Variants in PLPPR5 observed in about 807,000 individuals in gnomAD.
PLPPR5 encodes phospholipid phosphatase-related protein type 5.
Under a neutral mutation model 33.9 loss-of-function variants are expected in PLPPR5, and 16 were observed. The ratio of observed to expected loss-of-function variants is 0.47; its 90% CI spans 0.32 to 0.72. The LOEUF (loss-of-function observed/expected upper bound fraction) is 0.72. Among genes scored for constraint, PLPPR5 ranks in the 30% least tolerant of loss-of-function variants. The pLI, the probability that PLPPR5 is intolerant of heterozygous loss-of-function variation, is 0.03. For missense variants in PLPPR5, 301 were observed against 406.7 expected, an observed-to-expected ratio of 0.74 and a Z score of 2.23; for synonymous variants, 163 against 150.3, an observed-to-expected ratio of 1.08 and a Z score of -0.62.
chr1:98,927,863 A>G (rs112364743), intron 3 of PLPPR5, among the ~76,000 whole-genome samples: 2,745 of 152,084 alleles, frequency 0.018, 83 homozygotes, highest in African/African-American at 0.062. Context: ...ACCCTTTATA[A>G]TTTGTGTTTT....
intron 1 of PLPPR5, among the ~76,000 whole-genome samples, chr1:98,960,278 A>G (rs993980640): frequency 6.6e-6 from 1 of 151,996 alleles, no homozygotes; most frequent in African/African-American, 2.4e-5. Flanking sequence ...CTCTTGGCTC[A>G]CTGCAACCTC....
At chr1:98,921,538 T>C (rs1382393991) in intron 4 of PLPPR5, among the ~76,000 whole-genome samples, 1 of 152,202 alleles carries the variant, frequency 6.6e-6, no homozygotes, top group African/African-American at 2.4e-5. Flanking sequence ...ATAAAGTTTG[T>C]TATAAATCCT....
At chr1:98,959,697 C>T (rs192541091) in intron 1 of PLPPR5, among the ~76,000 whole-genome samples, 14 of 152,222 alleles carry the variant, frequency 9.2e-5, no homozygotes, top group Admixed American at 3.9e-4. Flanking sequence ...TTTGTCAGCT[C>T]GGTCCAAGGA....
chr1:98,956,532 A>G (rs1285994008), intron 2 of PLPPR5, 77 bp downstream of exon 2: 3 of 1,360,202 alleles, frequency 2.2e-6, no homozygotes, highest in Admixed American at 3.4e-5. Flanking sequence ...AACAGTTAAC[A>G]TGTGGGTTAT....
chr1:98,895,804 C>G (rs975966465), intron 5 of PLPPR5, among the ~76,000 whole-genome samples: 6 of 151,852 alleles, frequency 4.0e-5, no homozygotes, highest in African/African-American at 1.2e-4. Flanking sequence ...TGGGGCTCAT[C>G]ATTTTAAGGT....
At chr1:98,965,411 T>C (rs1356677408) in intron 1 of PLPPR5, among the ~76,000 whole-genome samples, 1 of 152,220 alleles carries the variant, frequency 6.6e-6, no homozygotes, top group Non-Finnish European at 1.5e-5. Context: ...ATCTACACAC[T>C]GTCTGCTCCT....
At chr1:98,979,066 CATTT>C (rs1651967143) in intron 1 of PLPPR5, among the ~76,000 whole-genome samples, 1 of 152,012 alleles carries the variant, frequency 6.6e-6, no homozygotes, top group Non-Finnish European at 1.5e-5. Flanking sequence ...ACCTGATACT[CATTT>C]ATACGTAAAA....
intron 1 of PLPPR5, among the ~76,000 whole-genome samples, chr1:98,975,038 G>A (rs950574580): frequency 7.9e-5 from 12 of 151,972 alleles, no homozygotes; most frequent in Admixed American, 4.6e-4. Flanking sequence ...ACCCACCTAC[G>A]AGGACATGTC....
chr1:98,970,011 T>C (rs1052292567), intron 1 of PLPPR5, among the ~76,000 whole-genome samples: 1 of 152,064 alleles, frequency 6.6e-6, no homozygotes, highest in Non-Finnish European at 1.5e-5. Flanking sequence ...ATCATTCCCT[T>C]GAGGCCATCT....
At chr1:98,935,047 C>T (rs1650125880) in intron 3 of PLPPR5, among the ~76,000 whole-genome samples, 3 of 152,080 alleles carry the variant, frequency 2.0e-5, no homozygotes, top group African/African-American at 7.2e-5. Flanking sequence ...CTTCTGGAGC[C>T]TCTATGGAGT....
intron 1 of PLPPR5, among the ~76,000 whole-genome samples, chr1:98,996,098 A>T (rs1391686273): frequency 1.3e-5 from 2 of 152,138 alleles, no homozygotes; most frequent in African/African-American, 4.8e-5. Context: ...CAACTGACAG[A>T]GTCCAAGAGA....
chr1:98,940,060 T>C (rs971842219), intron 3 of PLPPR5, among the ~76,000 whole-genome samples: 7 of 151,850 alleles, frequency 4.6e-5, no homozygotes, highest in African/African-American at 1.4e-4. Flanking sequence ...TGTAGTCTAA[T>C]ATGGACTGGG....
At chr1:98,930,749 AG>A (rs1649932234) in intron 3 of PLPPR5, among the ~76,000 whole-genome samples, 1 of 152,174 alleles carries the variant, frequency 6.6e-6, no homozygotes. Context: ...AGTAAAGGGC[AG>A]GGGAGAAATT....
At chr1:98,958,579 G>A (rs1045356979) in intron 1 of PLPPR5, among the ~76,000 whole-genome samples, 39 of 152,186 alleles carry the variant, frequency 2.6e-4, no homozygotes, top group Admixed American at 2.2e-3. Context: ...GAAGTAGAGC[G>A]GATGTGTGAT....
chr1:98,987,500 C>T (rs1356464815), intron 1 of PLPPR5, among the ~76,000 whole-genome samples: 1 of 151,822 alleles, frequency 6.6e-6, no homozygotes, highest in African/African-American at 2.4e-5. Flanking sequence ...ATAGTGAACT[C>T]AAATCAGATC....
chr1:98,932,563 C>T (rs1650017814), intron 3 of PLPPR5, among the ~76,000 whole-genome samples: 1 of 152,152 alleles, frequency 6.6e-6, no homozygotes, highest in South Asian at 2.1e-4. Context: ...ACCTTTCAGC[C>T]TTATGCATTA....
chr1:98,949,277 T>A (rs149047947), intron 3 of PLPPR5, among the ~76,000 whole-genome samples: 1,695 of 151,996 alleles, frequency 0.011, 22 homozygotes, highest in African/African-American at 0.033. Flanking sequence ...GCTTTTTTTT[T>A]TTATTATTCC....
In PLPPR5 at chr1:98,906,185, A is replaced by G. The variant is rs535085258; in HGVS notation, c.933+8601T>C. On this transcript the variant is annotated intron_variant, in intron 5 of 5. Transcript: ENST00000263177. ...GTGTATATATATATAGTGTGTGTGT[A>G]TATATATATATAGTGTGTGTGTATA... Among the ~76,000 whole-genome samples, 111 of 146,262 alleles carry G rather than the reference A, an allele frequency of 7.6e-4. 1 individual carries two copies. In the South Asian group the frequency reaches 0.02, roughly 27 times the overall value.
intron 2 of PLPPR5, among the ~76,000 whole-genome samples, chr1:98,954,398 A>T (rs1000580873): frequency 6.6e-6 from 1 of 152,126 alleles, no homozygotes; most frequent in Non-Finnish European, 1.5e-5. Context: ...CTTAGGTTAC[A>T]ATAGTTAGAT....
Sources: allele counts gnomAD v4.1 joint callset (sites outside exome capture counted in the v4.1 genomes callset), GRCh38; gene constraint gnomAD v4.1.1; transcripts MANE v1.5; gene names NCBI Gene and HGNC (gene_info 2026-07-23, HGNC 2026-07-21).